ZFX: variants seen among roughly 807,000 people sequenced by gnomAD.
ZFX encodes zinc finger protein X-linked, also known as zinc finger X-chromosomal protein.
For missense variants in ZFX, 362 were observed against 628.3 expected, an observed-to-expected ratio of 0.58 and a Z score of 4.53; for synonymous variants, 196 against 226.8, an observed-to-expected ratio of 0.86 and a Z score of 1.22.
intron 5 of ZFX, among the ~76,000 whole-genome samples, chrX:24,198,337 G>A (rs1181689744): frequency 1.8e-5 from 2 of 110,868 alleles, no homozygotes; most frequent in African/African-American, 6.6e-5. Context: ...CGAGCAGCTG[G>A]GACCACAGCC....
rs768402331 is a variant in ZFX, at chrX:24,207,415, A to G, written c.736A>G (p.Thr246Ala). The change falls in exon 6 of 10, where the codon ACT (threonine) becomes GCT (alanine). Residue 246 changes from threonine to alanine, a missense_variant. Transcript: ENST00000304543. ...SEIDPCKVDG[T>A]CPEVIKVYIF... ...AATTGATCCTTGTAAAGTGGATGGC[A>G]CTTGCCCTGAGGTCATCAAGGTGTA... 1 of 1,210,714 alleles carries G rather than the reference A, an allele frequency of 8.3e-7. No individual in the cohort carries two copies. The highest frequency in any genetic ancestry group is 1.8e-5 in the South Asian group (1 of 56,831).
At chrX:24,157,407 T>C (rs1369032069) in intron 3 of ZFX, among the ~76,000 whole-genome samples, 1 of 112,278 alleles carries the variant, frequency 8.9e-6, no homozygotes, top group Non-Finnish European at 1.9e-5. Context: ...GAAGTCAAAA[T>C]AGATCTTTGA....
In ZFX at chrX:24,212,397, T is replaced by C. The variant is rs886285983; in HGVS notation, c.*1021T>C. 2.7e-5 allele frequency: 3 copies of C among 112,371 alleles called. No individual in the cohort carries two copies. The highest frequency in any genetic ancestry group is 9.7e-5 in the African/African-American group (3 of 30,811). The allele number at this position is 112,371 out of a possible 1,213,427, so 9.3% of individuals were successfully genotyped here. The stretch of plus-strand genomic sequence containing the variant: ...GCATGAGAGAGCATTTTGTAAGTCA[T>C]GCTCTTCAGAGAGACTACTCAGGTG... On this transcript the variant is annotated 3_prime_UTR_variant, in exon 10 of 10. Transcript: ENST00000304543.
intron 5 of ZFX, among the ~76,000 whole-genome samples, chrX:24,185,167 G>A (rs974497329): frequency 4.5e-5 from 5 of 111,228 alleles, no homozygotes; most frequent in Admixed American, 2.9e-4. Context: ...GCCCAGGCTG[G>A]TCTTGAACCT....
chrX:24,186,269 A>G (rs921045747), intron 5 of ZFX, among the ~76,000 whole-genome samples: 3 of 111,272 alleles, frequency 2.7e-5, no homozygotes, highest in East Asian at 2.8e-4. Context: ...AGCTTTTACA[A>G]TGTCTTTAGT....
intron 5 of ZFX, among the ~76,000 whole-genome samples, chrX:24,192,475 TAG>T (rs768630833): frequency 2.7e-5 from 3 of 111,786 alleles, no homozygotes; most frequent in Non-Finnish European, 5.6e-5. Context: ...CAAGTTTAAT[TAG>T]AGTTTGAGAC....
chrX:24,192,935 G>T (rs1000000450), intron 5 of ZFX, among the ~76,000 whole-genome samples: 1 of 107,716 alleles, frequency 9.3e-6, no homozygotes, highest in African/African-American at 3.4e-5. Flanking sequence ...TTATTTTAAT[G>T]ACTGTTTAAT....
intron 3 of ZFX, among the ~76,000 whole-genome samples, chrX:24,169,741 G>T (rs1005148360): frequency 9.0e-6 from 1 of 110,922 alleles, no homozygotes; most frequent in Admixed American, 9.7e-5. Context: ...CAGTCTGTTG[G>T]ACATGTTAGG....
chrX:24,165,651 T>C (rs1601827232), intron 3 of ZFX, among the ~76,000 whole-genome samples: 1 of 112,495 alleles, frequency 8.9e-6, no homozygotes, highest in Non-Finnish European at 1.9e-5. Flanking sequence ...TTAAAAATTT[T>C]ACCTAGGATG....
chrX:24,182,654 C>T (rs922997309), intron 5 of ZFX, among the ~76,000 whole-genome samples: 4 of 110,768 alleles, frequency 3.6e-5, no homozygotes, highest in East Asian at 5.7e-4. Context: ...TTAGGTGAAG[C>T]GGTTTGGATA....
intron 3 of ZFX, among the ~76,000 whole-genome samples, chrX:24,167,017 G>C (rs969761936): frequency 8.9e-6 from 1 of 112,012 alleles, no homozygotes; most frequent in Non-Finnish European, 1.9e-5. Flanking sequence ...GCCATGGAAA[G>C]CTAAGCCATT....
At chrX:24,207,543 T>C in intron 6 of ZFX, 68 bp downstream of exon 6, 1 of 1,158,196 alleles carries the variant, frequency 8.6e-7, no homozygotes, top group Admixed American at 2.5e-5. Flanking sequence ...TTTTGGGTTA[T>C]TTAGATTGAG....
In ZFX at chrX:24,212,128, G is replaced by A. The variant is rs997014446; in HGVS notation, c.*752G>A. 8.9e-6 allele frequency: 1 copy of A among 112,276 alleles called. No homozygotes were observed. The highest frequency in any genetic ancestry group is 9.5e-5 in the Admixed American group (1 of 10,482). 9.3% of individuals were successfully genotyped at this position (112,276 alleles called of 1,213,427 possible). ...TGCGGCTTCATCTTGGAATGGTTGT[G>A]TGCTACAAATGACACTTACTGAGGA... On this transcript the variant is annotated 3_prime_UTR_variant, in exon 10 of 10. Coordinates refer to ENST00000304543, the MANE Select transcript of ZFX (RefSeq NM_003410.4).
chrX:24,206,137 G>T (rs1019156957), intron 5 of ZFX, among the ~76,000 whole-genome samples: 37 of 111,437 alleles, frequency 3.3e-4, no homozygotes, highest in Non-Finnish European at 6.6e-4. Flanking sequence ...AGTTGTGTGT[G>T]TATGTTATGC....
At chrX:24,164,155 G>T (rs1172413042) in intron 3 of ZFX, among the ~76,000 whole-genome samples, 2 of 110,841 alleles carry the variant, frequency 1.8e-5, no homozygotes, top group Non-Finnish European at 3.8e-5. Context: ...GAATGGTCAT[G>T]AAATTAATGG....
At position 24,211,962 on chromosome X, in the gene ZFX, G is replaced by A. The variant is rs1299246401; in HGVS notation, c.*586G>A. On this transcript the variant is annotated 3_prime_UTR_variant, in exon 10 of 10. Coordinates refer to ENST00000304543, the MANE Select transcript of ZFX (RefSeq NM_003410.4). ...TGGCTTTGCTGAGTAAAGAGCAGTG[G>A]CTGGGTTCGTGTTTACTTTTCAAAT... 3.5e-5 allele frequency: 4 copies of A among 112,880 alleles called. No homozygotes were observed. Among genetic ancestry groups the A allele is most frequent in the Non-Finnish European group, 7.5e-5 (4 of 53,394 alleles). The allele number at this position is 112,880 out of a possible 1,213,427, so 9.3% of individuals were successfully genotyped here.
intron 3 of ZFX, among the ~76,000 whole-genome samples, chrX:24,163,116 A>G (rs1164605289): frequency 1.9e-5 from 2 of 106,879 alleles, no homozygotes; most frequent in East Asian, 5.7e-4. Context: ...ACTTTTCAGC[A>G]TCTGTTGAGA....
intron 3 of ZFX, among the ~76,000 whole-genome samples, chrX:24,161,008 A>G (rs1375972413): frequency 1.8e-5 from 2 of 111,874 alleles, no homozygotes; most frequent in Non-Finnish European, 3.8e-5. Flanking sequence ...TATCTCTGTG[A>G]TATTTATTTC....
chrX:24,192,570 T>A (rs189660648), intron 5 of ZFX, among the ~76,000 whole-genome samples: 51 of 111,358 alleles, frequency 4.6e-4, no homozygotes, highest in African/African-American at 1.5e-3. Context: ...GAGCACAAGA[T>A]CTTTTCAATC....
Sources: allele counts gnomAD v4.1 joint callset (sites outside exome capture counted in the v4.1 genomes callset), GRCh38; gene constraint gnomAD v4.1.1; transcripts MANE v1.5; gene names NCBI Gene and HGNC (gene_info 2026-07-23, HGNC 2026-07-21).